Variants in AKAP6 observed in about 807,000 individuals in gnomAD.
AKAP6 encodes A-kinase anchor protein 6.
AKAP6 carries 58 observed loss-of-function variants against 188.5 expected under a neutral mutation model. That is an observed-to-expected ratio of 0.31 (90% CI 0.25 to 0.38). The LOEUF (loss-of-function observed/expected upper bound fraction) is 0.38. AKAP6 is among the 10% of genes least tolerant of loss of function. The pLI, the probability that AKAP6 is intolerant of heterozygous loss-of-function variation, is 1.00. For synonymous variants in AKAP6, 989 were observed against 998.6 expected, an observed-to-expected ratio of 0.99 and a Z score of 0.18; for missense variants, 2,710 against 2,740.0, an observed-to-expected ratio of 0.99 and a Z score of 0.24.
chr14:32,637,092 TA>T (rs764201095), intron 7 of AKAP6, among the ~76,000 whole-genome samples: 1 of 152,118 alleles, frequency 6.6e-6, no homozygotes, highest in African/African-American at 2.4e-5. Flanking sequence ...TCCGTATCTG[TA>T]AAATGGGAAT....
rs117970252 is a variant in AKAP6 at position 32,378,428 on chromosome 14, A to G, written c.-35+49020A>G. 9.4e-4 allele frequency among the ~76,000 whole-genome samples: 143 copies of G among 152,262 alleles called. 3 individuals carry two copies. The East Asian group carries it at 0.023, about 24-fold the overall frequency. ...CATCCCTTCCCCCATGAAATATCTT[A>G]TGTGTGTTCAGAGCTCCCTTTGAAG... is the stretch of plus-strand genomic sequence containing the variant. On this transcript the variant is annotated intron_variant, in intron 1 of 13. Transcript: ENST00000280979.
intron 1 of AKAP6, among the ~76,000 whole-genome samples, chr14:32,400,305 A>G (rs1889040653): frequency 6.6e-6 from 1 of 151,352 alleles, no homozygotes. Context: ...TAAGAATCTC[A>G]GTTTTATCAC....
intron 8 of AKAP6, among the ~76,000 whole-genome samples, chr14:32,683,148 C>A (rs1889764013): frequency 6.6e-6 from 1 of 152,022 alleles, no homozygotes; most frequent in Non-Finnish European, 1.5e-5. Flanking sequence ...TGCACACCAC[C>A]ATGCCTGGCT....
At chr14:32,384,696 G>A (rs929821202) in intron 1 of AKAP6, among the ~76,000 whole-genome samples, 2 of 152,248 alleles carry the variant, frequency 1.3e-5, no homozygotes, top group Admixed American at 1.3e-4. Flanking sequence ...CTTTGTGGGG[G>A]TTCAGCTCCA....
At chr14:32,439,586 C>T (rs1454040154) in intron 2 of AKAP6, among the ~76,000 whole-genome samples, 2 of 117,392 alleles carry the variant, frequency 1.7e-5, no homozygotes, top group African/African-American at 4.3e-5. Flanking sequence ...TCTCCCACTA[C>T]TGGAGCATAA....
chr14:32,719,384 C>T lies in AKAP6; in HGVS notation c.3001-13070C>T, dbSNP rs375586245. ...AGTTTTTTGATGATGACAGTAAGGG[C>T]GATAATACATTCAGCCTTTATTTAG... On this transcript the variant is annotated intron_variant, in intron 9 of 13. Transcript: ENST00000280979. 2.8e-4 allele frequency among the ~76,000 whole-genome samples: 43 copies of T among 152,190 alleles called. 2 individuals carry two copies. The South Asian group carries it at 7.3e-3, about 26-fold the overall frequency.
chr14:32,377,844 C>A (rs1359276132), intron 1 of AKAP6, among the ~76,000 whole-genome samples: 1 of 152,108 alleles, frequency 6.6e-6, no homozygotes, highest in African/African-American at 2.4e-5. Flanking sequence ...AGAAGATAAA[C>A]TGTACTTGGA....
In AKAP6 at chr14:32,836,639, T is replaced by C. The variant is rs1429280628; in HGVS notation, c.*6834T>C. 6.6e-6 allele frequency: 1 copy of C among 152,098 alleles called. No individual in the cohort carries two copies. Among genetic ancestry groups the C allele is most frequent in the African/African-American group, 2.4e-5 (1 of 41,404 alleles). 9.4% of individuals were successfully genotyped at this position (152,098 alleles called of 1,614,324 possible). ...ACTTTAAGGGTAACTTTGAAGCCAA[T>C]CTAATTCATACTCAAAAAAGTATTC... On this transcript the variant is annotated 3_prime_UTR_variant, in exon 14 of 14. Transcript: ENST00000280979.
intron 7 of AKAP6, among the ~76,000 whole-genome samples, chr14:32,676,156 C>G (rs11622177): frequency 0.25 from 37,563 of 151,980 alleles, 5,695 homozygotes; most frequent in South Asian, 0.39. Flanking sequence ...GTATAATACT[C>G]GTTAAACTTT....
intron 2 of AKAP6, among the ~76,000 whole-genome samples, chr14:32,531,793 T>G (rs913169026): frequency 1.3e-5 from 2 of 152,214 alleles, no homozygotes; most frequent in Non-Finnish European, 2.9e-5. Flanking sequence ...CCTTTGAGAT[T>G]TATCCAAATT....
intron 2 of AKAP6, among the ~76,000 whole-genome samples, chr14:32,492,194 TCTTA>T (rs1247999497): frequency 6.6e-6 from 1 of 151,932 alleles, no homozygotes; most frequent in East Asian, 1.9e-4. Context: ...TCTGGCTCTC[TCTTA>T]CTTGGCCTTT....
intron 12 of AKAP6, among the ~76,000 whole-genome samples, chr14:32,787,812 C>T (rs1022204222): frequency 1.3e-5 from 2 of 151,972 alleles, no homozygotes; most frequent in Non-Finnish European, 2.9e-5. Context: ...ATTTATTTTT[C>T]TTTTATAAAT....
intron 9 of AKAP6, among the ~76,000 whole-genome samples, chr14:32,711,283 A>G (rs548526864): frequency 7.2e-5 from 11 of 152,130 alleles, no homozygotes; most frequent in East Asian, 1.9e-4. Context: ...GTGGCCTCCT[A>G]TACTCTGTTG....
At chr14:32,447,259 A>G (rs1890785696) in intron 2 of AKAP6, among the ~76,000 whole-genome samples, 1 of 152,172 alleles carries the variant, frequency 6.6e-6, no homozygotes, top group Non-Finnish European at 1.5e-5. Flanking sequence ...GTTGTTTTCT[A>G]GTTTCCTCAA....
At chr14:32,574,281 G>A (rs899180202) in intron 4 of AKAP6, among the ~76,000 whole-genome samples, 1 of 152,168 alleles carries the variant, frequency 6.6e-6, no homozygotes, top group Non-Finnish European at 1.5e-5. Context: ...TAACTCAGAA[G>A]AAACCCAGAG....
chr14:32,337,715 T>C (rs151179784), intron 1 of AKAP6, among the ~76,000 whole-genome samples: 6,695 of 150,608 alleles, frequency 0.044, 176 homozygotes, highest in East Asian at 0.088. Flanking sequence ...AATGCTATCC[T>C]TCCCCCCTCC....
At chr14:32,654,929 C>A (rs527377321) in intron 7 of AKAP6, among the ~76,000 whole-genome samples, 2 of 151,974 alleles carry the variant, frequency 1.3e-5, no homozygotes, top group Non-Finnish European at 2.9e-5. Flanking sequence ...GCTTTAAGGA[C>A]TTCTATAAAG....
chr14:32,603,233 C>T (rs1438355351), intron 7 of AKAP6, among the ~76,000 whole-genome samples: 1 of 151,592 alleles, frequency 6.6e-6, no homozygotes. Context: ...CTCTAAAAAC[C>T]TCTTACTGGC....
intron 1 of AKAP6, among the ~76,000 whole-genome samples, chr14:32,413,829 G>A (rs928043833): frequency 4.6e-5 from 7 of 151,944 alleles, no homozygotes; most frequent in African/African-American, 1.7e-4. Flanking sequence ...TGAGCCCAAA[G>A]CAGAGACAGA....
Sources: gnomAD v4.1 joint callset for allele counts (sites outside exome capture counted in the v4.1 genomes callset) on GRCh38, gnomAD v4.1.1 for gene constraint, MANE v1.5 for transcripts, NCBI Gene and HGNC (gene_info 2026-07-23, HGNC 2026-07-21) for gene names.